The following CEACAM21 variants were observed in gnomAD, a reference collection of about 807,000 sequenced individuals.
The protein encoded by CEACAM21 is CEA cell adhesion molecule 21.
Under a neutral mutation model 33.2 loss-of-function variants are expected in CEACAM21, and 38 were observed. That is an observed-to-expected ratio of 1.14 (90% CI 0.88 to 1.50). The LOEUF is 1.50. CEACAM21 is among the 40% of genes most tolerant of loss of function. The probability of loss-of-function intolerance (pLI) is 0.00; values close to 1 mark genes in which losing one functional copy is unlikely to be tolerated. For missense variants in CEACAM21, 385 were observed against 364.6 expected, an observed-to-expected ratio of 1.06 and a Z score of -0.46; for synonymous variants, 156 against 143.0, an observed-to-expected ratio of 1.09 and a Z score of -0.65.
At chr19:41,562,409 C>A (rs539103746) in intron 1 of CEACAM21, among the ~76,000 whole-genome samples, 2 of 151,318 alleles carry the variant, frequency 1.3e-5, no homozygotes, top group African/African-American at 4.9e-5. Context: ...ACACAAAGCA[C>A]GAAGGAAAAG....
intron 1 of CEACAM21, chr19:41,555,319 T>TTTTTG (rs1555785285): frequency 6.6e-6 from 1 of 151,192 alleles, no homozygotes. Flanking sequence ...TTTTTTTTTT[T>TTTTTG]TTTCTTTGCA....
At chr19:41,552,586 C>T (rs1359656585) in intron 1 of CEACAM21, among the ~76,000 whole-genome samples, 1 of 152,120 alleles carries the variant, frequency 6.6e-6, no homozygotes, top group Non-Finnish European at 1.5e-5. Flanking sequence ...TGCCACAATC[C>T]CCACTGTCAA....
At chr19:41,573,649 T>G (rs2042750420), upstream of CEACAM21, among the ~76,000 whole-genome samples, 1 of 152,258 alleles carries the variant, frequency 6.6e-6, no homozygotes, top group African/African-American at 2.4e-5. Context: ...CAAAATCTTC[T>G]GTGCCCATGA....
chr19:41,552,531 T>C (rs2041275725), intron 1 of CEACAM21, among the ~76,000 whole-genome samples: 1 of 152,226 alleles, frequency 6.6e-6, no homozygotes, highest in Non-Finnish European at 1.5e-5. Context: ...ACTCAGTCAG[T>C]ACTGAAGTAG....
At chr19:41,582,590 C>G (rs1293776272) in intron 3 of CEACAM21, among the ~76,000 whole-genome samples, 1 of 152,238 alleles carries the variant, frequency 6.6e-6, no homozygotes, top group Non-Finnish European at 1.5e-5. Context: ...GTTCCCAAAC[C>G]TCAATCCTTG....
chr19:41,585,940 T>G, intron 6 of CEACAM21, 69 bp downstream of exon 6: 2 of 1,517,818 alleles, frequency 1.3e-6, no homozygotes, highest in Non-Finnish European at 1.8e-6. Flanking sequence ...GCAGGGGGAC[T>G]GTCAATCCCC....
At chr19:41,550,080 A>G (rs2041126641) in intron 1 of CEACAM21, 1 of 152,204 alleles carries the variant, frequency 6.6e-6, no homozygotes, top group Admixed American at 6.5e-5. Flanking sequence ...TTAAAAATCT[A>G]ATCAACCAAC....
At chr19:41,581,798 G>T (rs2043409613) in intron 3 of CEACAM21, among the ~76,000 whole-genome samples, 1 of 152,096 alleles carries the variant, frequency 6.6e-6, no homozygotes. Context: ...CTCCCACTGG[G>T]TCCTTCCCCC....
intron 3 of CEACAM21, among the ~76,000 whole-genome samples, chr19:41,583,105 C>T (rs1357323210): frequency 6.6e-6 from 1 of 152,170 alleles, no homozygotes; most frequent in Non-Finnish European, 1.5e-5. Context: ...GAACACTTTG[C>T]TGCTTAGAAT....
upstream of CEACAM21, among the ~76,000 whole-genome samples, chr19:41,572,425 T>G (rs2042670318): frequency 6.6e-6 from 1 of 152,084 alleles, no homozygotes; most frequent in African/African-American, 2.4e-5. Context: ...GAGGCCCTAG[T>G]TTCCCTGATC....
intron 1 of CEACAM21, among the ~76,000 whole-genome samples, chr19:41,562,290 TAAAG>T (rs2041933764): frequency 6.8e-6 from 1 of 146,536 alleles, no homozygotes; most frequent in African/African-American, 2.6e-5. Context: ...AAAAACACTA[TAAAG>T]AAAGTTTTTT....
At position 41,585,790 on chromosome 19, in the gene CEACAM21, G is replaced by T. The variant is rs370111954; in HGVS notation, c.851-50G>T. Reference sequence around the variant, plus strand: ...GGACCCCCACACACTCTTGCAGGAGGGGCCCAGCTATCCTAACACTCTCGT... The same window carrying T: ...GGACCCCCACACACTCTTGCAGGAGTGGCCCAGCTATCCTAACACTCTCGT... On this transcript the variant is annotated intron_variant, in intron 5 of 6. Coordinates refer to ENST00000401445, the MANE Select transcript of CEACAM21 (RefSeq NM_001098506.4). The T allele has an allele frequency of 2.5e-6, 4 of 1,589,034 alleles. No individual in the cohort carries two copies. The African/African-American group carries it at 4.0e-5, about 16-fold the overall frequency.
chr19:41,566,186 G>A (rs1381741581), intron 2 of CEACAM21, among the ~76,000 whole-genome samples: 2 of 152,182 alleles, frequency 1.3e-5, no homozygotes, highest in Non-Finnish European at 2.9e-5. Flanking sequence ...GCGAGAAGTG[G>A]TTTGAGGATT....
intron 2 of CEACAM21, among the ~76,000 whole-genome samples, chr19:41,570,377 C>T (rs933334798): frequency 2.6e-5 from 4 of 152,162 alleles, no homozygotes; most frequent in South Asian, 2.1e-4. Context: ...CCTGCCCATC[C>T]TCTCACTGCT....
intron 3 of CEACAM21, among the ~76,000 whole-genome samples, chr19:41,583,122 T>C (rs1382971774): frequency 6.6e-6 from 1 of 152,192 alleles, no homozygotes; most frequent in Non-Finnish European, 1.5e-5. Context: ...GAATTTTTTT[T>C]CCACCAGTTG....
chr19:41,578,805 C>T (rs543870239), intron 2 of CEACAM21, among the ~76,000 whole-genome samples: 3 of 152,304 alleles, frequency 2.0e-5, no homozygotes, highest in Admixed American at 6.5e-5. Flanking sequence ...TGATGTCACT[C>T]CCATGGGAGG....
upstream of CEACAM21, among the ~76,000 whole-genome samples, chr19:41,572,561 A>G (rs573664007): frequency 5.9e-5 from 9 of 152,184 alleles, no homozygotes; most frequent in South Asian, 8.3e-4. Context: ...CTCTCGCCCA[A>G]TGTTCACTCA....
chr19:41,575,177 T>TG (rs57483700), upstream of CEACAM21, among the ~76,000 whole-genome samples: 22,201 of 151,956 alleles, frequency 0.15, 3,304 homozygotes, highest in East Asian at 0.37. Flanking sequence ...TACCAGTGGG[T>TG]GGGGCAGGGG....
chr19:41,556,086 G>A (rs1363679488), intron 1 of CEACAM21, among the ~76,000 whole-genome samples: 1 of 152,212 alleles, frequency 6.6e-6, no homozygotes, highest in Non-Finnish European at 1.5e-5. Context: ...CCCAAAAGGG[G>A]TGAGTGGGAT....
Sources: allele counts gnomAD v4.1 joint callset (sites outside exome capture counted in the v4.1 genomes callset), GRCh38; gene constraint gnomAD v4.1.1; transcripts MANE v1.5; gene names NCBI Gene and HGNC (gene_info 2026-07-23, HGNC 2026-07-21).